The following CHMP4B variants were observed in gnomAD, a reference collection of about 807,000 sequenced individuals.
The protein encoded by CHMP4B is SNF7 homolog associated with Alix 1.
Under a neutral mutation model 25.1 loss-of-function variants are expected in CHMP4B, and 1 was observed. The observed-to-expected ratio is 0.04, with a 90% confidence interval of 0.01 to 0.19. CHMP4B has a LOEUF of 0.19. Ranked by LOEUF, CHMP4B falls within the 10% of genes least tolerant of loss-of-function variation. The pLI, the probability that CHMP4B is intolerant of heterozygous loss-of-function variation, is 1.00. For missense variants in CHMP4B, 151 were observed against 289.7 expected, an observed-to-expected ratio of 0.52 and a Z score of 3.48; for synonymous variants, 101 against 115.6, an observed-to-expected ratio of 0.87 and a Z score of 0.81.
intron 1 of CHMP4B, among the ~76,000 whole-genome samples, chr20:33,840,456 A>G (rs1309404634): frequency 2.0e-5 from 3 of 152,194 alleles, no homozygotes; most frequent in Non-Finnish European, 4.4e-5. Flanking sequence ...TCTGACAAAC[A>G]TGTTCAGAGA....
chr20:33,830,933 G>GGTTTTTTTTTTTTT (rs1555792006), intron 1 of CHMP4B, among the ~76,000 whole-genome samples: 2 of 102,524 alleles, frequency 2.0e-5, no homozygotes, highest in East Asian at 4.7e-4. Context: ...AAGGAACAGA[G>GGTTTTTTTTTTTTT]TTTTTTTTTT....
intron 1 of CHMP4B, among the ~76,000 whole-genome samples, chr20:33,827,678 C>A (rs1462628379): frequency 6.6e-6 from 1 of 152,220 alleles, no homozygotes; most frequent in Non-Finnish European, 1.5e-5. Flanking sequence ...TTACTGCCAG[C>A]CTTTTGGCAA....
chr20:33,819,323 C>G (rs1568605355), intron 1 of CHMP4B, among the ~76,000 whole-genome samples: 2 of 152,182 alleles, frequency 1.3e-5, no homozygotes, highest in African/African-American at 4.8e-5. Context: ...TGTTTAGGAA[C>G]TAGTTTGGTT....
At chr20:33,815,284 A>G (rs1047948808) in intron 1 of CHMP4B, among the ~76,000 whole-genome samples, 5 of 152,228 alleles carry the variant, frequency 3.3e-5, no homozygotes, top group Non-Finnish European at 7.3e-5. Context: ...TGCCATTATC[A>G]TTATTACAAG....
At chr20:33,823,639 G>T (rs1256755026) in intron 1 of CHMP4B, among the ~76,000 whole-genome samples, 1 of 152,152 alleles carries the variant, frequency 6.6e-6, no homozygotes, top group Non-Finnish European at 1.5e-5. Context: ...CCAGATTCAA[G>T]CACTTCTCCT....
At chr20:33,841,599 C>A (rs1979542761) in intron 1 of CHMP4B, among the ~76,000 whole-genome samples, 1 of 152,172 alleles carries the variant, frequency 6.6e-6, no homozygotes, top group African/African-American at 2.4e-5. Flanking sequence ...TCCCAGGCAC[C>A]CTCACACAGG....
intron 1 of CHMP4B, among the ~76,000 whole-genome samples, chr20:33,826,559 C>T (rs1439519013): frequency 2.0e-5 from 3 of 152,142 alleles, no homozygotes; most frequent in African/African-American, 7.2e-5. Context: ...CCCTACAGCA[C>T]CCAGGTGAAG....
At chr20:33,840,103 C>T (rs907992285) in intron 1 of CHMP4B, among the ~76,000 whole-genome samples, 3 of 152,106 alleles carry the variant, frequency 2.0e-5, no homozygotes, top group African/African-American at 7.2e-5. Context: ...CAGGATACCA[C>T]TGCGTGGTGG....
chr20:33,834,834 C>G (rs1399363865), intron 1 of CHMP4B, among the ~76,000 whole-genome samples: 2 of 152,180 alleles, frequency 1.3e-5, no homozygotes, highest in African/African-American at 4.8e-5. Context: ...GAGTCTCACT[C>G]TGTCGCCCAA....
At position 33,853,728 on chromosome 20, in the gene CHMP4B, T is replaced by C. The variant is rs1003771445; in HGVS notation, c.*168T>C. 2 of 139,566 alleles carry C rather than the reference T, an allele frequency of 1.4e-5. No homozygotes were observed. Among genetic ancestry groups the C allele is most frequent in the Non-Finnish European group, 2.9e-5 (2 of 69,540 alleles). 8.6% of individuals were successfully genotyped at this position (139,566 alleles called of 1,614,324 possible). A position where few individuals can be genotyped will look rare whatever the true frequency, so the allele number is the denominator to read the frequency against. ...GCTGCTCACTCTCTGCATAGCATGG[T>C]CTGCACCTGGGAGATGGGCGGGGGG... On this transcript the variant is annotated 3_prime_UTR_variant, in exon 5 of 5. Transcript: ENST00000217402.
intron 1 of CHMP4B, among the ~76,000 whole-genome samples, chr20:33,829,537 C>G (rs1057121875): frequency 6.6e-6 from 1 of 152,192 alleles, no homozygotes; most frequent in East Asian, 1.9e-4. Context: ...TAATTTTGGC[C>G]TGAATTTCTT....
rs1007836531 is a variant in CHMP4B, at chr20:33,852,171, A to G, written c.578A>G (p.Asn193Ser). The G allele has an allele frequency of 1.2e-6, 2 of 1,613,986 alleles. No individual in the cohort carries two copies. Among genetic ancestry groups the G allele is most frequent in the Non-Finnish European group, 1.7e-6 (2 of 1,180,014 alleles). ...ISGPETVPLP[N>S]VPSIALPSKP... ...GGACCCGAAACAGTCCCTCTACCAA[A>G]TGTTCCCTCTATAGCCCTACCATCA... Residue 193 changes from asparagine to serine, a missense_variant, in exon 4 of 5, where the codon AAT (asparagine) becomes AGT (serine). By Grantham distance (46) the Asn-to-Ser change is conservative. This residue lies in a region of CHMP4B where 41 missense variants were observed against 50.9 expected (regional missense o/e 0.81). Transcript: ENST00000217402.
chr20:33,846,257 A>G (rs1261564436), intron 1 of CHMP4B, among the ~76,000 whole-genome samples: 3 of 152,172 alleles, frequency 2.0e-5, no homozygotes, highest in Non-Finnish European at 4.4e-5. Context: ...CAGTTTCCTC[A>G]TCAACTAACC....
chr20:33,842,510 A>G (rs1366558931), intron 1 of CHMP4B, among the ~76,000 whole-genome samples: 1 of 152,210 alleles, frequency 6.6e-6, no homozygotes, highest in Admixed American at 6.5e-5. Flanking sequence ...TGATTGCTGG[A>G]GGCAGGCAAA....
At chr20:33,852,000 A>G (rs1979864515) in intron 3 of CHMP4B, 77 bp from the exon 4 acceptor site, 1 of 1,592,998 alleles carries the variant, frequency 6.3e-7, no homozygotes, top group Non-Finnish European at 8.6e-7. Context: ...CTCCATGAGC[A>G]TTAATTAGGT....
Position 33,820,231 on chromosome 20 carries a change from C to T in CHMP4B, c.190+8573C>T, listed in dbSNP as rs556733527. Among the ~76,000 whole-genome samples, 131 of 152,042 alleles carry T rather than the reference C, an allele frequency of 8.6e-4. 1 individual carries two copies. The highest frequency in any genetic ancestry group is 1.5e-3 in the Non-Finnish European group (100 of 67,968). Reference sequence around the variant, plus strand: ...TGTGGACTCTTAGGCCCCATCCTGACCTACTGAAGCAGAACCTGCATTTTA... The same window carrying T: ...TGTGGACTCTTAGGCCCCATCCTGATCTACTGAAGCAGAACCTGCATTTTA... On this transcript the variant is annotated intron_variant, in intron 1 of 4. Transcript: ENST00000217402.
At position 33,834,838 on chromosome 20, in the gene CHMP4B, C is replaced by T. The variant is rs1041538956; in HGVS notation, c.191-13629C>T. ...GTTTTGAGATGGAGTCTCACTCTGT[C>T]GCCCAACCTGGGGTGCTGTGACGTG... On this transcript the variant is annotated intron_variant, in intron 1 of 4. Transcript: ENST00000217402. Among the ~76,000 whole-genome samples the T allele has an allele frequency of 2.6e-5, 4 of 152,192 alleles. No homozygotes were observed. In the East Asian group the frequency reaches 5.8e-4, roughly 22 times the overall value.
At chr20:33,820,175 C>G (rs1978897248) in intron 1 of CHMP4B, among the ~76,000 whole-genome samples, 1 of 151,368 alleles carries the variant, frequency 6.6e-6, no homozygotes, top group African/African-American at 2.4e-5. Flanking sequence ...GAGACTCTGT[C>G]TCAAAAAAAA....
intron 1 of CHMP4B, among the ~76,000 whole-genome samples, chr20:33,829,001 C>CTCATTCAA (rs1251397993): frequency 1.3e-5 from 2 of 152,212 alleles, no homozygotes; most frequent in Non-Finnish European, 2.9e-5. Flanking sequence ...CCTTCTGTTA[C>CTCATTCAA]TCATTCAACA....
Sources: allele counts gnomAD v4.1 joint callset (sites outside exome capture counted in the v4.1 genomes callset), GRCh38; gene constraint gnomAD v4.1.1; regional missense constraint gnomAD v4.1.1; transcripts MANE v1.5; gene names NCBI Gene and HGNC (gene_info 2026-07-23, HGNC 2026-07-21).